The following NELL2 variants were observed in gnomAD, a reference collection of about 807,000 sequenced individuals.
NELL2 encodes neural EGFL like 2.
In NELL2, 41 loss-of-function variants were observed where a neutral mutation model predicts 109.6. The ratio of observed to expected loss-of-function variants is 0.37; its 90% CI spans 0.29 to 0.49. The LOEUF (loss-of-function observed/expected upper bound fraction) is 0.49, where lower values mean the gene tolerates loss of function less well. Among genes scored for constraint, NELL2 ranks in the 20% least tolerant of loss-of-function variants. The pLI, the probability that NELL2 is intolerant of heterozygous loss-of-function variation, is 0.98. For synonymous variants in NELL2, 355 were observed against 344.7 expected (o/e 1.03, Z -0.33); for missense variants, 900 against 1,008.3 (o/e 0.89, Z 1.45).
chr12:44,692,435 GT>G (rs1948931460), intron 12 of NELL2, among the ~76,000 whole-genome samples: 4 of 152,106 alleles, frequency 2.6e-5, no homozygotes, highest in Non-Finnish European at 5.9e-5. Context: ...GGAGATTAAT[GT>G]TTTCATGGCT....
chr12:44,863,671 A>G (rs1276471189), intron 2 of NELL2, among the ~76,000 whole-genome samples: 1 of 152,208 alleles, frequency 6.6e-6, no homozygotes, highest in Non-Finnish European at 1.5e-5. Context: ...GAGTTCTTCA[A>G]GCTCAAAGAA....
chr12:44,761,243 C>T (rs1941112442), intron 9 of NELL2, among the ~76,000 whole-genome samples: 1 of 152,048 alleles, frequency 6.6e-6, no homozygotes, highest in African/African-American at 2.4e-5. Flanking sequence ...TGCCGGTAAT[C>T]CCAGCTTGGG....
intron 14 of NELL2, among the ~76,000 whole-genome samples, chr12:44,608,186 C>G (rs1209666725): frequency 6.6e-6 from 1 of 152,008 alleles, no homozygotes; most frequent in Non-Finnish European, 1.5e-5. Flanking sequence ...TGAATTAGAC[C>G]AGCTTGTTCC....
At chr12:44,754,480 T>G (rs1301479801) in intron 9 of NELL2, among the ~76,000 whole-genome samples, 2 of 152,204 alleles carry the variant, frequency 1.3e-5, no homozygotes, top group Non-Finnish European at 2.9e-5. Flanking sequence ...GTATTTACAT[T>G]ACTAAAGTCA....
chr12:44,542,333 A>C (rs566727603), intron 15 of NELL2, among the ~76,000 whole-genome samples: 21 of 151,376 alleles, frequency 1.4e-4, no homozygotes, highest in African/African-American at 4.6e-4. Flanking sequence ...AATCTCTGAA[A>C]GTTTGAATTC....
chr12:44,845,620 T>C (rs1480459972), intron 2 of NELL2, among the ~76,000 whole-genome samples: 1 of 152,138 alleles, frequency 6.6e-6, no homozygotes, highest in Non-Finnish European at 1.5e-5. Context: ...AGTCCTAAGG[T>C]AAAAATCCTC....
At chr12:44,783,063 C>T (rs945724711) in intron 3 of NELL2, among the ~76,000 whole-genome samples, 1 of 151,830 alleles carries the variant, frequency 6.6e-6, no homozygotes, top group Non-Finnish European at 1.5e-5. Flanking sequence ...CCAACCACAA[C>T]AGAATCACAC....
chr12:44,700,001 C>G (rs1218701281), intron 12 of NELL2, among the ~76,000 whole-genome samples: 1 of 152,096 alleles, frequency 6.6e-6, no homozygotes, highest in Non-Finnish European at 1.5e-5. Context: ...CCCTTAATGC[C>G]AAATTGAAGT....
intron 13 of NELL2, among the ~76,000 whole-genome samples, chr12:44,635,133 GT>G (rs1246080315): frequency 6.6e-6 from 1 of 151,496 alleles, no homozygotes. Context: ...GGGGTTGTTT[GT>G]TTTTTTCTTG....
chr12:44,576,796 T>C (rs901304312), intron 15 of NELL2, among the ~76,000 whole-genome samples: 3 of 151,860 alleles, frequency 2.0e-5, no homozygotes, highest in African/African-American at 7.3e-5. Context: ...ATATGCGGTG[T>C]TTGGTTTTTT....
At chr12:44,659,465 T>C (rs944481508) in intron 13 of NELL2, among the ~76,000 whole-genome samples, 2 of 152,132 alleles carry the variant, frequency 1.3e-5, no homozygotes, top group South Asian at 4.1e-4. Context: ...AAAGGTAATA[T>C]CTAGAATCTT....
chr12:44,745,791 TAA>T (rs1201700655), intron 9 of NELL2, among the ~76,000 whole-genome samples: 3 of 151,972 alleles, frequency 2.0e-5, no homozygotes, highest in African/African-American at 7.3e-5. Flanking sequence ...CTCAATGAAA[TAA>T]AAGAGGATAC....
chr12:44,555,128 C>T (rs867788314), intron 15 of NELL2, among the ~76,000 whole-genome samples: 23 of 152,112 alleles, frequency 1.5e-4, no homozygotes, highest in African/African-American at 4.6e-4. Context: ...GTACCCAAGT[C>T]AGAACTGGTT....
rs151216444 is a variant in NELL2 at position 44,584,964 on chromosome 12, T to C, written c.1663+22205A>G. 6.1e-3 allele frequency among the ~76,000 whole-genome samples: 930 copies of C among 152,354 alleles called. 8 individuals carry two copies. Among genetic ancestry groups the C allele is most frequent in the African/African-American group, 0.021 (874 of 41,584 alleles). On this transcript the variant is annotated intron_variant, in intron 15 of 19. Transcript: ENST00000429094. ...GTACTTTCTAATGACCATTATTATG[T>C]CCTCTGATCCAGCTTGATAGGCCTT...
At chr12:44,689,931 A>G (rs1266793238) in intron 12 of NELL2, among the ~76,000 whole-genome samples, 1 of 152,226 alleles carries the variant, frequency 6.6e-6, no homozygotes, top group African/African-American at 2.4e-5. Flanking sequence ...ACACAGGAAT[A>G]TATGATCGGA....
At chr12:44,846,271 C>G (rs1592644517) in intron 2 of NELL2, among the ~76,000 whole-genome samples, 1 of 152,288 alleles carries the variant, frequency 6.6e-6, no homozygotes, top group South Asian at 2.1e-4. Context: ...TTGGAGCCAT[C>G]GTAGTTAATG....
chr12:44,887,755 G>T (rs911146487), intron 1 of NELL2, among the ~76,000 whole-genome samples: 6 of 151,682 alleles, frequency 4.0e-5, no homozygotes, highest in Non-Finnish European at 7.4e-5. Flanking sequence ...TGGGTACTTT[G>T]CAAATATTTT....
At chr12:44,892,273 C>A (rs889172363) in intron 1 of NELL2, among the ~76,000 whole-genome samples, 1 of 152,146 alleles carries the variant, frequency 6.6e-6, no homozygotes, top group African/African-American at 2.4e-5. Flanking sequence ...GACAGCATCC[C>A]AGGCTTCTAC....
chr12:44,739,118 CT>C (rs1456460084), intron 9 of NELL2, among the ~76,000 whole-genome samples: 3 of 152,118 alleles, frequency 2.0e-5, no homozygotes, highest in African/African-American at 7.2e-5. Context: ...ACAAAGTCTT[CT>C]TGAATTCCAG....
Sources: gnomAD v4.1 joint callset for allele counts (sites outside exome capture counted in the v4.1 genomes callset) on GRCh38, gnomAD v4.1.1 for gene constraint, MANE v1.5 for transcripts, NCBI Gene and HGNC (gene_info 2026-07-23, HGNC 2026-07-21) for gene names.